Variants in CPS1 observed in about 807,000 individuals in gnomAD.
CPS1 encodes carbamoyl-phosphate synthase 1, also known as carbamoyl-phosphate synthase [ammonia], mitochondrial.
A neutral mutation model predicts 174.6 loss-of-function variants in CPS1; 109 were observed. That is an observed-to-expected ratio of 0.62 (90% CI 0.53 to 0.73). CPS1 has a LOEUF of 0.73. Among genes scored for constraint, CPS1 ranks in the 30% least tolerant of loss-of-function variants. The probability of loss-of-function intolerance (pLI) is 0.00; values close to 1 mark genes in which losing one functional copy is unlikely to be tolerated. For synonymous variants in CPS1, 637 were observed against 632.0 expected (o/e 1.01, Z -0.12); for missense variants, 1,689 against 1,821.9 (o/e 0.93, Z 1.33).
chr2:210,535,495 C>T (rs1696223632), intron 1 of CPS1, among the ~76,000 whole-genome samples: 3 of 152,172 alleles, frequency 2.0e-5, no homozygotes, highest in Non-Finnish European at 2.9e-5. Context: ...TGAGCTCTGG[C>T]TCATTGGAAC....
chr2:210,583,525 A>G (rs1200551307), intron 6 of CPS1, among the ~76,000 whole-genome samples: 3 of 152,154 alleles, frequency 2.0e-5, no homozygotes, highest in Admixed American at 6.6e-5. Context: ...TCCTGTTTTG[A>G]GACACAAAGA....
At chr2:210,625,442 T>C (rs1360232118) in intron 21 of CPS1, among the ~76,000 whole-genome samples, 1 of 152,094 alleles carries the variant, frequency 6.6e-6, no homozygotes, top group East Asian at 1.9e-4. Context: ...ACATGTTATC[T>C]CATACAAGTC....
intron 19 of CPS1, among the ~76,000 whole-genome samples, chr2:210,610,572 T>C (rs968322583): frequency 1.3e-5 from 2 of 151,854 alleles, no homozygotes; most frequent in African/African-American, 2.4e-5. Context: ...TAGAATAGGG[T>C]TGAGGAAGCC....
chr2:210,655,021 A>G (rs1340052823), intron 29 of CPS1, among the ~76,000 whole-genome samples: 4 of 152,178 alleles, frequency 2.6e-5, no homozygotes, highest in Non-Finnish European at 5.9e-5. Flanking sequence ...GTTTTCTTTT[A>G]AACACTTTGG....
At chr2:210,616,953 A>G (rs905259977) in intron 21 of CPS1, among the ~76,000 whole-genome samples, 7 of 151,978 alleles carry the variant, frequency 4.6e-5, no homozygotes, top group African/African-American at 1.7e-4. Context: ...TTTAATATCA[A>G]TCTATACATT....
intron 1 of CPS1, among the ~76,000 whole-genome samples, chr2:210,525,235 A>G (rs576723222): frequency 6.6e-6 from 1 of 152,058 alleles, no homozygotes; most frequent in Admixed American, 6.6e-5. Flanking sequence ...AACTTAGTAT[A>G]TATAAGCATA....
At chr2:210,593,276 C>G (rs1332774573) in intron 11 of CPS1, 1 of 926,440 alleles carries the variant, frequency 1.1e-6, no homozygotes, top group African/African-American at 1.7e-5. Flanking sequence ...CTTTTGCTCT[C>G]TCTCGTTCTC....
At chr2:210,562,845 G>A (rs1484199948) in intron 1 of CPS1, among the ~76,000 whole-genome samples, 2 of 150,442 alleles carry the variant, frequency 1.3e-5, no homozygotes, top group East Asian at 3.9e-4. Flanking sequence ...CTAGCTCAAG[G>A]GAATTACTGA....
intron 25 of CPS1, among the ~76,000 whole-genome samples, chr2:210,643,463 T>C (rs1700286955): frequency 6.6e-6 from 1 of 152,118 alleles, no homozygotes; most frequent in South Asian, 2.1e-4. Context: ...AAGTACTAAA[T>C]TGGAACCAAA....
At position 210,612,217 on chromosome 2, in the gene CPS1, A is replaced by G; in HGVS notation, c.2492A>G (p.Lys831Arg). 2 of 1,612,310 alleles carry G rather than the reference A, an allele frequency of 1.2e-6. No individual in the cohort carries two copies. Among genetic ancestry groups the G allele is most frequent in the Non-Finnish European group, 1.7e-6 (2 of 1,178,884 alleles). The change falls in exon 20 of 38, where the codon AAA (lysine) becomes AGA (arginine). Residue 831 changes from lysine to arginine, a missense_variant. By Grantham distance (26) the Lys-to-Arg change is conservative (BLOSUM62 2). Transcript: ENST00000233072. ...EGFTPRLPMN[K>R]EWPSNLDLRK... ...TTCACTCCCCGTCTCCCAATGAACA[A>G]AGAATGGCCATCTAATTTAGATCTT...
At chr2:210,521,026 G>GT (rs1364659566) in intron 1 of CPS1, among the ~76,000 whole-genome samples, 1 of 151,996 alleles carries the variant, frequency 6.6e-6, no homozygotes, top group East Asian at 1.9e-4. Context: ...CTTCAAAATT[G>GT]TTTATCAAAG....
chr2:210,512,763 T>C (rs1695534848), intron 1 of CPS1, among the ~76,000 whole-genome samples: 1 of 111,138 alleles, frequency 9.0e-6, no homozygotes, highest in South Asian at 2.8e-4. Flanking sequence ...TATATATATA[T>C]ATATATATAT....
At chr2:210,578,791 C>T (rs935010492) in intron 4 of CPS1, among the ~76,000 whole-genome samples, 8 of 152,138 alleles carry the variant, frequency 5.3e-5, no homozygotes, top group Non-Finnish European at 1.0e-4. Flanking sequence ...TTTCTGTAAT[C>T]GTCATTTGGG....
At position 210,502,462 on chromosome 2, in the gene CPS1, G is replaced by GATAT. The variant is rs200706157; in HGVS notation, c.3+24703_3+24706dup. Among the ~76,000 whole-genome samples, 39 of 138,878 alleles carry GATAT rather than the reference G, an allele frequency of 2.8e-4. 1 individual carries two copies. Among genetic ancestry groups the GATAT allele is most frequent in the Non-Finnish European group, 5.2e-4 (33 of 63,588 alleles). The allele number at this position is 138,878 out of a possible 152,430, so 91.1% of individuals were successfully genotyped here. On this transcript the variant is annotated intron_variant, in intron 1 of 38. Transcript: ENST00000430249. ...TAGAGATATCTATGAGATACATATAGATATATATATTTATATATAAAAGAG... is the reference window on the plus strand; with the variant it reads ...TAGAGATATCTATGAGATACATATAGATATATATATATATTTATATATAAAAGAG...
chr2:210,519,683 A>G, intron 1 of CPS1: 1 of 934,138 alleles, frequency 1.1e-6, no homozygotes, highest in Non-Finnish European at 1.3e-6. Flanking sequence ...ACGTGACCCA[A>G]GCCCCACCAG....
At chr2:210,676,156 A>G (rs1701526298) in intron 36 of CPS1, among the ~76,000 whole-genome samples, 1 of 152,234 alleles carries the variant, frequency 6.6e-6, no homozygotes, top group East Asian at 1.9e-4. Context: ...AGATAAGTAC[A>G]TCGAGTATAA....
At chr2:210,603,803 T>C (rs946357302) in intron 16 of CPS1, among the ~76,000 whole-genome samples, 24 of 151,898 alleles carry the variant, frequency 1.6e-4, no homozygotes, top group Admixed American at 3.9e-4. Context: ...ATTAGTCATA[T>C]CATTATGTCC....
chr2:210,551,188 C>T (rs949832057), intron 1 of CPS1, among the ~76,000 whole-genome samples: 3 of 151,850 alleles, frequency 2.0e-5, no homozygotes, highest in Non-Finnish European at 4.4e-5. Context: ...CCTTTGGGTG[C>T]ACTTTGTGTT....
chr2:210,609,395 A>C (rs999577352), intron 19 of CPS1, among the ~76,000 whole-genome samples: 7 of 151,932 alleles, frequency 4.6e-5, no homozygotes, highest in Admixed American at 3.3e-4. Context: ...TACTCTTGGC[A>C]TTGCCACTTA....
Sources: gnomAD v4.1 joint callset for allele counts (sites outside exome capture counted in the v4.1 genomes callset) on GRCh38, gnomAD v4.1.1 for gene constraint, MANE v1.5 for transcripts, NCBI Gene and HGNC (gene_info 2026-07-23, HGNC 2026-07-21) for gene names.